Variants in DGKD observed in about 807,000 individuals in gnomAD.
DGKD encodes DAG kinase delta.
Under a neutral mutation model 154.4 loss-of-function variants are expected in DGKD, and 68 were observed. That is an observed-to-expected ratio of 0.44 (90% CI 0.36 to 0.54). The LOEUF (loss-of-function observed/expected upper bound fraction) is 0.54, where lower values mean the gene tolerates loss of function less well. Among genes scored for constraint, DGKD ranks in the 20% least tolerant of loss-of-function variants. The pLI, the probability that DGKD is intolerant of heterozygous loss-of-function variation, is 0.00. For missense variants in DGKD, 1,343 were observed against 1,593.6 expected (o/e 0.84, Z 2.68); for synonymous variants, 693 against 638.0 (o/e 1.09, Z -1.30).
At chr2:233,468,959 C>G (rs2063915741) in intron 29 of DGKD, among the ~76,000 whole-genome samples, 1 of 152,226 alleles carries the variant, frequency 6.6e-6, no homozygotes, top group Admixed American at 6.5e-5. Context: ...TATGCCAGGC[C>G]TCACGCCACA....
rs373823307 is a variant in DGKD, at chr2:233,464,153, G to A, written c.3187-11G>A. ...TCTCCATTTCTCTCTCCCTCCCTCCGCCTGGAGCAGCAGCTGGATCCGCCT... is the reference window on the plus strand; with the variant it reads ...TCTCCATTTCTCTCTCCCTCCCTCCACCTGGAGCAGCAGCTGGATCCGCCT... On this transcript the variant is annotated splice_polypyrimidine_tract_variant and intron_variant, in intron 26 of 29. Transcript: ENST00000264057. The A allele has an allele frequency of 5.2e-5, 84 of 1,613,280 alleles. 1 individual carries two copies. The South Asian group carries it at 7.4e-4, about 14-fold the overall frequency.
chr2:233,464,598 G>T (rs563650291), intron 27 of DGKD, among the ~76,000 whole-genome samples: 3 of 152,336 alleles, frequency 2.0e-5, no homozygotes, highest in Non-Finnish European at 4.4e-5. Flanking sequence ...AGCCTCCCCC[G>T]AGGGTGGAGA....
chr2:233,438,985 C>T lies in DGKD; in HGVS notation c.1085+606C>T, dbSNP rs901339210. The stretch of plus-strand genomic sequence containing the variant: ...ACGTAAGGGCGGCGTTGGGCCAGAG[C>T]GATTTCCACTGTGCATCAGCAGCAC... On this transcript the variant is annotated intron_variant, in intron 9 of 29. Coordinates refer to ENST00000264057, the MANE Select transcript of DGKD (RefSeq NM_152879.3). This position sits in a 1 kb window ranked among gnomAD's most constrained non-coding sequence, Gnocchi z 4.1. Among the ~76,000 whole-genome samples, 1 of 152,242 alleles carries T rather than the reference C, an allele frequency of 6.6e-6. No homozygotes were observed. The highest frequency in any genetic ancestry group is 2.4e-5 in the African/African-American group (1 of 41,462).
rs1172323282 is a variant in DGKD, at chr2:233,443,519, A to G, written c.1194+1524A>G. Among the ~76,000 whole-genome samples the G allele has an allele frequency of 1.1e-4, 16 of 152,196 alleles. No individual in the cohort carries two copies. In the East Asian group the frequency reaches 2.9e-3, roughly 28 times the overall value. The stretch of plus-strand genomic sequence containing the variant: ...ACGTCTGTCATATTTGCAGCTGCCT[A>G]CACCCCAAGATTAAGATTTGCATCT... On this transcript the variant is annotated intron_variant, in intron 10 of 29. Coordinates refer to ENST00000264057, the MANE Select transcript of DGKD (RefSeq NM_152879.3).
intron 1 of DGKD, among the ~76,000 whole-genome samples, chr2:233,372,284 G>C (rs1453024559): frequency 6.6e-6 from 1 of 152,210 alleles, no homozygotes; most frequent in African/African-American, 2.4e-5. Context: ...GTCTCCCAAA[G>C]TGGCTAGGAT....
intron 1 of DGKD, among the ~76,000 whole-genome samples, chr2:233,359,746 G>T (rs1701694756): frequency 6.6e-6 from 1 of 152,154 alleles, no homozygotes; most frequent in Non-Finnish European, 1.5e-5. Flanking sequence ...TCTTAACATT[G>T]TTAACTGTTG....
At position 233,463,923 on chromosome 2, in the gene DGKD, G is replaced by T. The variant is rs921960446; in HGVS notation, c.3187-241G>T. 3 of 531,382 alleles carry T rather than the reference G, an allele frequency of 5.6e-6. No homozygotes were observed. The African/African-American group carries it at 5.7e-5, about 10-fold the overall frequency. 32.9% of individuals were successfully genotyped at this position (531,382 alleles called of 1,614,324 possible). A position where few individuals can be genotyped will look rare whatever the true frequency, so the allele number is the denominator to read the frequency against. ...AGGGACACAAGCAGGTCAGTTGTCA[G>T]CCTTGCTCTATGTGAATTCATCGTT... On this transcript the variant is annotated intron_variant, in intron 26 of 29. Transcript: ENST00000264057.
chr2:233,354,598 G>C lies in DGKD; in HGVS notation c.80G>C (p.Ser27Thr). 8.9e-7 allele frequency: 1 copy of C among 1,120,180 alleles called. No individual in the cohort carries two copies. The highest frequency in any genetic ancestry group is 1.1e-6 in the Non-Finnish European group (1 of 899,500). 69.4% of individuals were successfully genotyped at this position (1,120,180 alleles called of 1,614,324 possible). A position where few individuals can be genotyped will look rare whatever the true frequency, so the allele number is the denominator to read the frequency against. ...CCGCCGCCCGAGGAGTCGTCCGACA[G>C]CGAGCCCGAGGCGGAGCCCGGCTCC... ...PPPPPEESSD[S>T]EPEAEPGSPQ... The change falls in exon 1 of 30, where the codon AGC becomes ACC. Residue 27 changes from serine to threonine, a missense_variant. By Grantham distance (58) the Ser-to-Thr change is moderately conservative (BLOSUM62 1). This residue lies in a region of DGKD where 332 missense variants were observed against 400.1 expected (regional missense o/e 0.83). Coordinates refer to ENST00000264057, the MANE Select transcript of DGKD (RefSeq NM_152879.3). The surrounding 1 kb of genome is among the most constrained non-coding windows in gnomAD (Gnocchi z 4.8).
In DGKD at chr2:233,438,257, A is replaced by G. The variant is rs1443323908; in HGVS notation, c.963A>G (p.Pro321=). ...KASCPPSCTS[P]LLVFVNSKSG... ...GCTGTCCTCCTTCTTGCACAAGCCCACTGTTGGTCTTCGTCAATTCAAAAA... is the reference window on the plus strand; with the variant it reads ...GCTGTCCTCCTTCTTGCACAAGCCCGCTGTTGGTCTTCGTCAATTCAAAAA... The change falls in exon 9 of 30, where the codon CCA becomes CCG. Residue 321 remains proline (P), a synonymous_variant. Coordinates refer to ENST00000264057, the MANE Select transcript of DGKD (RefSeq NM_152879.3). The surrounding 1 kb of genome is among the most constrained non-coding windows in gnomAD (Gnocchi z 4.1). The G allele has an allele frequency of 6.2e-7, 1 of 1,614,156 alleles. No individual in the cohort carries two copies. The highest frequency in any genetic ancestry group is 1.1e-5 in the South Asian group (1 of 91,074).
intron 18 of DGKD, chr2:233,454,252 A>G (rs2124896656): frequency 2.5e-6 from 1 of 392,734 alleles, no homozygotes; most frequent in East Asian, 7.6e-5. Context: ...GAGCAGGTCA[A>G]TAGATGCAGG....
intron 3 of DGKD, among the ~76,000 whole-genome samples, chr2:233,400,683 C>A (rs541339815): frequency 3.4e-4 from 52 of 152,266 alleles, no homozygotes; most frequent in South Asian, 2.3e-3. Flanking sequence ...CCTGAGCTCC[C>A]TGAGCTCTCT....
At position 233,465,045 on chromosome 2, in the gene DGKD, AC is replaced by A. The variant is rs1463040706; in HGVS notation, c.3306+765del. Among the ~76,000 whole-genome samples, 9 of 152,162 alleles carry A rather than the reference AC, an allele frequency of 5.9e-5. No individual in the cohort carries two copies. The East Asian group carries it at 1.7e-3, about 29-fold the overall frequency. On this transcript the variant is annotated intron_variant, in intron 27 of 29. Transcript: ENST00000264057. The stretch of plus-strand genomic sequence containing the variant: ...CAGAGGTGGGCAGCTGCACAACAGC[AC>A]CCTCTTTCCGGGGCCCTGGGGCGTT...
chr2:233,450,018 A>G lies in DGKD; in HGVS notation c.1925A>G (p.Glu642Gly), dbSNP rs1370126239. The G allele has an allele frequency of 6.2e-7, 1 of 1,612,722 alleles. No homozygotes were observed. Among genetic ancestry groups the G allele is most frequent in the African/African-American group, 1.3e-5 (1 of 74,998 alleles). ...CAGAATGCCCAGACCCAGGAGCAGG[A>G]GGGCTTCGTCCTGGGCCTCTCTGAG... ...DEQNAQTQEQ[E>G]GFVLGLSESE... Residue 642 changes from glutamate to glycine, a missense_variant, in exon 16 of 30, where the codon GAG becomes GGG. Around this residue, in one of 6 missense-constraint regions of DGKD, gnomAD observed 409 missense variants for 446.0 expected, o/e 0.92. Coordinates refer to ENST00000264057, the MANE Select transcript of DGKD (RefSeq NM_152879.3).
chr2:233,396,584 T>C (rs1366889946), intron 3 of DGKD, among the ~76,000 whole-genome samples: 2 of 152,154 alleles, frequency 1.3e-5, no homozygotes, highest in Admixed American at 1.3e-4. Flanking sequence ...GTGCCTGATA[T>C]GTGGAAGACC....
chr2:233,417,877 TAA>T (rs1323331036), intron 3 of DGKD, among the ~76,000 whole-genome samples: 1 of 152,130 alleles, frequency 6.6e-6, no homozygotes, highest in East Asian at 1.9e-4. Context: ...ACCTAGTTGG[TAA>T]AGTCCAGGGA....
At chr2:233,436,857 T>G (rs1327109157) in intron 7 of DGKD, among the ~76,000 whole-genome samples, 1 of 152,172 alleles carries the variant, frequency 6.6e-6, no homozygotes, top group Non-Finnish European at 1.5e-5. Context: ...TGCAGCCCAG[T>G]GGCCTCCTGC....
intron 1 of DGKD, among the ~76,000 whole-genome samples, chr2:233,382,775 T>C (rs1702965504): frequency 6.6e-6 from 1 of 152,218 alleles, no homozygotes; most frequent in Admixed American, 6.5e-5. Flanking sequence ...TATTTTTCCC[T>C]TTACCATTTT....
At chr2:233,374,049 TTTTG>T (rs1003450708) in intron 1 of DGKD, among the ~76,000 whole-genome samples, 4 of 152,008 alleles carry the variant, frequency 2.6e-5, no homozygotes, top group African/African-American at 4.8e-5. Context: ...TTTTTTTTGT[TTTTG>T]TTTGTTTGTT....
chr2:233,449,968 C>T lies in DGKD; in HGVS notation c.1889-14C>T, dbSNP rs545942189. Reference sequence around the variant, plus strand: ...GCACCCGCGTGCTCAGCCGCACACACTCTCCTTGCACAGCTGTCGATGAGC... The same window carrying T: ...GCACCCGCGTGCTCAGCCGCACACATTCTCCTTGCACAGCTGTCGATGAGC... On this transcript the variant is annotated splice_polypyrimidine_tract_variant and intron_variant, in intron 15 of 29. Coordinates refer to ENST00000264057, the MANE Select transcript of DGKD (RefSeq NM_152879.3). This position sits in a 1 kb window ranked among gnomAD's most constrained non-coding sequence, Gnocchi z 5.3. 1 of 1,578,256 alleles carries T rather than the reference C, an allele frequency of 6.3e-7. No homozygotes were observed. The highest frequency in any genetic ancestry group is 1.2e-5 in the South Asian group (1 of 86,204).
Sources: gnomAD v4.1 joint callset for allele counts (sites outside exome capture counted in the v4.1 genomes callset) on GRCh38, gnomAD v4.1.1 for gene constraint, gnomAD v4.1.1 regional missense constraint, Gnocchi (gnomAD v3.1) non-coding constraint, MANE v1.5 for transcripts, NCBI Gene and HGNC (gene_info 2026-07-23, HGNC 2026-07-21) for gene names.